Variants in RARB observed in about 807,000 individuals in gnomAD.
RARB encodes HBV-activated protein.
RARB carries 17 observed loss-of-function variants against 51.9 expected under a neutral mutation model. That is an observed-to-expected ratio of 0.33 (90% CI 0.22 to 0.49). RARB has a LOEUF of 0.49. Ranked by LOEUF, RARB falls within the 20% of genes least tolerant of loss-of-function variation. The pLI is 0.99. For missense variants in RARB, 369 were observed against 550.8 expected (o/e 0.67, Z 3.30); for synonymous variants, 215 against 195.4 (o/e 1.10, Z -0.84).
chr3:25,207,574 C>T (rs1181755769), intron 5 of RARB, among the ~76,000 whole-genome samples: 1 of 152,140 alleles, frequency 6.6e-6, no homozygotes, highest in African/African-American at 2.4e-5. Context: ...CAGTATTTCC[C>T]TTCCCTCCTC....
At chr3:25,312,081 A>G (rs554557426) in intron 5 of RARB, among the ~76,000 whole-genome samples, 1 of 152,346 alleles carries the variant, frequency 6.6e-6, no homozygotes, top group African/African-American at 2.4e-5. Context: ...TGCGGTGTTT[A>G]GGGAAGTGGT....
chr3:25,164,675 G>T lies in RARB; in HGVS notation c.-279-9444G>T, dbSNP rs138057010. ...ATACTTATTTAAATCTGCTACTTTG[G>T]GGACCCTATTATGGTTTCAATTATG... is the stretch of plus-strand genomic sequence containing the variant. On this transcript the variant is annotated intron_variant, in intron 4 of 11. Coordinates refer to the RARB transcript ENST00000383772. Among the ~76,000 whole-genome samples, 220 of 152,006 alleles carry T rather than the reference G, an allele frequency of 1.4e-3. 2 individuals are homozygous for T. The highest frequency in any genetic ancestry group is 2.3e-3 in the Non-Finnish European group (155 of 67,976).
chr3:25,346,906 G>T lies in RARB; in HGVS notation c.179-114287G>T, dbSNP rs184108537. The stretch of plus-strand genomic sequence containing the variant: ...CTCTGGTGAGCAAAATTGATATTAG[G>T]TCTGCCCTCATAGGCTATAGTCAAG... On this transcript the variant is annotated intron_variant, in intron 5 of 11. Coordinates refer to the RARB transcript ENST00000383772. Among the ~76,000 whole-genome samples, 76 of 152,330 alleles carry T rather than the reference G, an allele frequency of 5.0e-4. 2 individuals are homozygous for T. Among genetic ancestry groups the T allele is most frequent in the Non-Finnish European group, 1.8e-4 (12 of 68,034 alleles).
intron 5 of RARB, among the ~76,000 whole-genome samples, chr3:25,197,075 G>A (rs1374232438): frequency 6.6e-6 from 1 of 152,030 alleles, no homozygotes; most frequent in Non-Finnish European, 1.5e-5. Context: ...AGTTTAATTC[G>A]ATGCCATTTG....
At chr3:24,926,990 A>G (rs1695334400) in intron 2 of RARB, among the ~76,000 whole-genome samples, 1 of 152,102 alleles carries the variant, frequency 6.6e-6, no homozygotes, top group Non-Finnish European at 1.5e-5. Flanking sequence ...TCACTAGTTT[A>G]GAGTACACAT....
chr3:25,123,186 A>G (rs546375425), intron 3 of RARB, among the ~76,000 whole-genome samples: 1 of 152,228 alleles, frequency 6.6e-6, no homozygotes, highest in East Asian at 1.9e-4. Context: ...TTCTGGCTCC[A>G]TTCATTGACA....
intron 2 of RARB, among the ~76,000 whole-genome samples, chr3:24,916,886 T>C (rs1369441914): frequency 4.6e-5 from 7 of 152,000 alleles, no homozygotes; most frequent in Non-Finnish European, 1.0e-4. Flanking sequence ...CCTACCTGTA[T>C]AATGAAACTT....
At chr3:24,934,072 G>A (rs1424759731) in intron 2 of RARB, among the ~76,000 whole-genome samples, 3 of 152,110 alleles carry the variant, frequency 2.0e-5, no homozygotes, top group South Asian at 2.1e-4. Flanking sequence ...TTTGAAGAGC[G>A]TGATGATAAA....
rs916251369 is a variant in RARB, at chr3:25,596,684, A to C, written c.*68A>C. On this transcript the variant is annotated 3_prime_UTR_variant, in exon 8 of 8. Transcript: ENST00000330688. ...TCCAGGATTTAAAATGCAAGAAAAAACATTTTTACTGCTGCTTAGTTTTTG... is the reference window on the plus strand; with the variant it reads ...TCCAGGATTTAAAATGCAAGAAAAACCATTTTTACTGCTGCTTAGTTTTTG... 2.2e-6 allele frequency: 3 copies of C among 1,354,660 alleles called. No individual in the cohort carries two copies. The highest frequency in any genetic ancestry group is 1.5e-5 in the African/African-American group (1 of 68,394). The allele number at this position is 1,354,660 out of a possible 1,614,324, so 83.9% of individuals were successfully genotyped here.
At chr3:25,353,165 C>G (rs1705627817) in intron 5 of RARB, among the ~76,000 whole-genome samples, 1 of 152,090 alleles carries the variant, frequency 6.6e-6, no homozygotes, top group South Asian at 2.1e-4. Context: ...AACAGAGTTC[C>G]TATAGTTTGG....
intron 1 of RARB, among the ~76,000 whole-genome samples, chr3:25,446,404 C>T (rs914117590): frequency 7.9e-5 from 12 of 152,206 alleles, no homozygotes; most frequent in South Asian, 2.1e-4. Flanking sequence ...CTGCCTTCCC[C>T]CATGGGGGGC....
intron 1 of RARB, among the ~76,000 whole-genome samples, chr3:24,847,349 C>G (rs998886118): frequency 3.9e-5 from 6 of 152,312 alleles, no homozygotes; most frequent in African/African-American, 1.4e-4. Context: ...TCAAAATGCA[C>G]TCCTTGGACT....
chr3:25,492,023 G>T (rs949597347), intron 2 of RARB, among the ~76,000 whole-genome samples: 1 of 152,136 alleles, frequency 6.6e-6, no homozygotes, highest in African/African-American at 2.4e-5. Context: ...GGCCCTTCTA[G>T]ATGCAAGGCC....
chr3:25,153,143 T>C (rs1387415790), intron 4 of RARB, among the ~76,000 whole-genome samples: 1 of 151,886 alleles, frequency 6.6e-6, no homozygotes, highest in Non-Finnish European at 1.5e-5. Flanking sequence ...AGAGTGTGTG[T>C]GTGTGTGTGT....
chr3:24,893,160 C>T (rs1575057909), intron 2 of RARB, among the ~76,000 whole-genome samples: 1 of 152,284 alleles, frequency 6.6e-6, no homozygotes, highest in African/African-American at 2.4e-5. Context: ...CGATGGTTTC[C>T]CATCAATAGA....
chr3:24,864,038 A>G (rs1472977630), intron 2 of RARB, among the ~76,000 whole-genome samples: 1 of 152,074 alleles, frequency 6.6e-6, no homozygotes, highest in African/African-American at 2.4e-5. Context: ...CATGAATGTG[A>G]TTTTCTGCCC....
At chr3:24,911,085 T>G (rs1575067401) in intron 2 of RARB, among the ~76,000 whole-genome samples, 3 of 152,348 alleles carry the variant, frequency 2.0e-5, no homozygotes, top group Admixed American at 2.0e-4. Context: ...TGCTTCATTC[T>G]CCCTAAATTG....
chr3:25,595,169 TTC>T (rs1217284206), intron 7 of RARB, among the ~76,000 whole-genome samples: 19 of 152,238 alleles, frequency 1.2e-4, no homozygotes, highest in Non-Finnish European at 2.4e-4. Context: ...CCTAGTGATT[TTC>T]TGTTTATGTA....
intron 3 of RARB, among the ~76,000 whole-genome samples, chr3:25,072,376 T>G (rs1698784533): frequency 6.6e-6 from 1 of 151,998 alleles, no homozygotes; most frequent in African/African-American, 2.4e-5. Flanking sequence ...GATGAGAGAG[T>G]TCACTCTGTA....
Sources: allele counts gnomAD v4.1 joint callset (sites outside exome capture counted in the v4.1 genomes callset), GRCh38; gene constraint gnomAD v4.1.1; transcripts MANE v1.5; gene names NCBI Gene and HGNC (gene_info 2026-07-23, HGNC 2026-07-21).